MEGF9: variants seen among roughly 807,000 people sequenced by gnomAD.
MEGF9 encodes the protein multiple epidermal growth factor-like domains protein 9.
A neutral mutation model predicts 46.8 loss-of-function variants in MEGF9; 6 were observed. The ratio of observed to expected loss-of-function variants is 0.13; its 90% CI spans 0.07 to 0.25. The LOEUF (loss-of-function observed/expected upper bound fraction) is 0.25. Ranked by LOEUF, MEGF9 falls within the 10% of genes least tolerant of loss-of-function variation. The pLI is 1.00. For missense variants in MEGF9, 683 were observed against 792.4 expected, an observed-to-expected ratio of 0.86 and a Z score of 1.66; for synonymous variants, 302 against 330.7, an observed-to-expected ratio of 0.91 and a Z score of 0.94.
chr9:120,681,033 T>C (rs1239839889), intron 1 of MEGF9, among the ~76,000 whole-genome samples: 3 of 152,148 alleles, frequency 2.0e-5, no homozygotes, highest in Admixed American at 6.5e-5. Context: ...TATCCTACCA[T>C]AGATGAGCTG....
intron 3 of MEGF9, among the ~76,000 whole-genome samples, chr9:120,620,699 T>C (rs55689222): frequency 6.6e-6 from 1 of 152,022 alleles, no homozygotes; most frequent in Non-Finnish European, 1.5e-5. Context: ...AGAAAAACCA[T>C]TCTTGGCAGA....
At chr9:120,667,614 A>T (rs1809644657) in intron 1 of MEGF9, among the ~76,000 whole-genome samples, 1 of 152,226 alleles carries the variant, frequency 6.6e-6, no homozygotes. Flanking sequence ...CTAGGATTGG[A>T]TCCACAAAAA....
chr9:120,605,386 T>C lies in MEGF9; in HGVS notation c.1613A>G (p.Tyr538Cys). 1 of 1,614,002 alleles carries C rather than the reference T, an allele frequency of 6.2e-7. No individual in the cohort carries two copies. Among genetic ancestry groups the C allele is most frequent in the Non-Finnish European group, 8.5e-7 (1 of 1,179,896 alleles). The change falls in exon 6 of 6, where the codon TAC (tyrosine) becomes TGC (cysteine). Residue 538 changes from tyrosine (Y) to cysteine (C), a missense_variant. Transcript: ENST00000373930. This position sits in a 1 kb window ranked among gnomAD's most constrained non-coding sequence, Gnocchi z 4.0. The part of the protein sequence containing the change: ...LMGFVGAVYM[Y>C]REYQNRKLNA... The stretch of plus-strand genomic sequence containing the variant: ...GAGTTTCCGGTTTTGGTACTCGCGG[T>C]ACATATATACAGCCCCCACAAATCC...
At chr9:120,640,506 T>G (rs1415485680) in intron 2 of MEGF9, among the ~76,000 whole-genome samples, 1 of 152,024 alleles carries the variant, frequency 6.6e-6, no homozygotes, top group Non-Finnish European at 1.5e-5. Flanking sequence ...ATGTGTTTTT[T>G]CCTCTGCTAT....
chr9:120,628,326 C>G (rs942517281), intron 2 of MEGF9, among the ~76,000 whole-genome samples: 1 of 151,876 alleles, frequency 6.6e-6, no homozygotes, highest in African/African-American at 2.4e-5. Context: ...ATGCAATAAG[C>G]GAGGCTTCTG....
intron 1 of MEGF9, among the ~76,000 whole-genome samples, chr9:120,666,841 G>T (rs1216822821): frequency 2.0e-5 from 3 of 152,134 alleles, no homozygotes; most frequent in African/African-American, 7.2e-5. Flanking sequence ...TGACATCCAA[G>T]AACATGGATG....
intron 2 of MEGF9, among the ~76,000 whole-genome samples, chr9:120,650,147 T>C (rs2043643452): frequency 6.6e-6 from 1 of 152,084 alleles, no homozygotes; most frequent in African/African-American, 2.4e-5. Flanking sequence ...CGGGTGCCCG[T>C]AATCCCAGCT....
chr9:120,613,891 T>C (rs139253371), intron 3 of MEGF9, among the ~76,000 whole-genome samples: 33 of 152,196 alleles, frequency 2.2e-4, no homozygotes, highest in Admixed American at 3.9e-4. Flanking sequence ...TTTTCCTTAC[T>C]AGCAGAAATA....
chr9:120,615,114 C>G (rs1429011514), intron 3 of MEGF9, among the ~76,000 whole-genome samples: 1 of 151,704 alleles, frequency 6.6e-6, no homozygotes, highest in African/African-American at 2.4e-5. Flanking sequence ...TAGTGCATGC[C>G]TGTAATCCCA....
intron 1 of MEGF9, among the ~76,000 whole-genome samples, chr9:120,665,812 T>C (rs541181146): frequency 6.6e-6 from 1 of 152,348 alleles, no homozygotes; most frequent in Admixed American, 6.5e-5. Context: ...CTTCTGCATA[T>C]AGATATCCAT....
At chr9:120,634,715 T>A (rs2043566571) in intron 2 of MEGF9, among the ~76,000 whole-genome samples, 1 of 152,202 alleles carries the variant, frequency 6.6e-6, no homozygotes, top group African/African-American at 2.4e-5. Context: ...GGATTTAATC[T>A]GTTTATACTC....
chr9:120,656,180 T>C (rs1224218876), intron 2 of MEGF9, among the ~76,000 whole-genome samples: 1 of 152,172 alleles, frequency 6.6e-6, no homozygotes, highest in Admixed American at 6.5e-5. Context: ...AAGTTAACTA[T>C]ACCCTTTAAA....
intron 2 of MEGF9, among the ~76,000 whole-genome samples, chr9:120,628,956 C>T (rs915819349): frequency 1.3e-5 from 2 of 152,050 alleles, no homozygotes; most frequent in African/African-American, 4.8e-5. Context: ...GAGTACAACA[C>T]TCCAGTCATG....
chr9:120,612,548 A>T lies in MEGF9; in HGVS notation c.944-9T>A. On this transcript the variant is annotated splice_polypyrimidine_tract_variant and intron_variant, in intron 3 of 5. Transcript: ENST00000373930. ...GCAGTTTAAACAAGCACCTAAAAGA[A>T]GCAAATTATTTTTAAAAGTTAAAGA... 6.3e-7 allele frequency: 1 copy of T among 1,593,788 alleles called. No homozygotes were observed. The highest frequency in any genetic ancestry group is 1.4e-5 in the African/African-American group (1 of 73,762).
At chr9:120,640,554 G>T (rs930780627) in intron 2 of MEGF9, among the ~76,000 whole-genome samples, 1 of 151,928 alleles carries the variant, frequency 6.6e-6, no homozygotes, top group Admixed American at 6.6e-5. Context: ...CATGTGATAG[G>T]CATGCAAACT....
intron 1 of MEGF9, among the ~76,000 whole-genome samples, chr9:120,703,516 A>G (rs2043914452): frequency 6.6e-6 from 1 of 152,254 alleles, no homozygotes; most frequent in Non-Finnish European, 1.5e-5. Context: ...AAAAATCCTT[A>G]TAGGTAATCA....
chr9:120,703,896 C>T (rs1263443074), intron 1 of MEGF9, among the ~76,000 whole-genome samples: 5 of 151,586 alleles, frequency 3.3e-5, no homozygotes, highest in Admixed American at 3.3e-4. Context: ...TCACTTCAAC[C>T]TAAGAGGCAG....
At chr9:120,657,641 T>C (rs1041437418) in intron 2 of MEGF9, among the ~76,000 whole-genome samples, 1 of 152,220 alleles carries the variant, frequency 6.6e-6, no homozygotes, top group Non-Finnish European at 1.5e-5. Flanking sequence ...CGGTAAGCAA[T>C]GTGAAACTTC....
At chr9:120,651,943 G>T (rs1175830115) in intron 2 of MEGF9, among the ~76,000 whole-genome samples, 1 of 151,406 alleles carries the variant, frequency 6.6e-6, no homozygotes, top group East Asian at 1.9e-4. Context: ...GAGCCATCGC[G>T]CCTGGCCTGT....
Sources: allele counts gnomAD v4.1 joint callset (sites outside exome capture counted in the v4.1 genomes callset), GRCh38; gene constraint gnomAD v4.1.1; non-coding constraint Gnocchi (gnomAD v3.1); transcripts MANE v1.5; gene names NCBI Gene and HGNC (gene_info 2026-07-23, HGNC 2026-07-21).